The following ZNF292 variants were observed in gnomAD, a reference collection of about 807,000 sequenced individuals.
ZNF292 encodes 16 zinc-finger domain protein.
A neutral mutation model predicts 217.9 loss-of-function variants in ZNF292; 26 were observed. The ratio of observed to expected loss-of-function variants is 0.12; its 90% CI spans 0.09 to 0.17. The LOEUF (loss-of-function observed/expected upper bound fraction) is 0.17, where lower values mean the gene tolerates loss of function less well. Ranked by LOEUF, ZNF292 falls within the 10% of genes least tolerant of loss-of-function variation. ZNF292 has a pLI of 1.00. For synonymous variants in ZNF292, 1,257 were observed against 1,124.1 expected (o/e 1.12, Z -2.37); for missense variants, 2,904 against 3,175.2 (o/e 0.91, Z 2.05).
chr6:87,176,185 A>T (rs145231893), intron 1 of ZNF292, among the ~76,000 whole-genome samples: 4 of 152,246 alleles, frequency 2.6e-5, no homozygotes, highest in African/African-American at 7.2e-5. Flanking sequence ...AAAATAACAC[A>T]AATTTATTTA....
intron 6 of ZNF292, among the ~76,000 whole-genome samples, chr6:87,243,929 A>T (rs1455770291): frequency 6.6e-6 from 1 of 152,192 alleles, no homozygotes; most frequent in African/African-American, 2.4e-5. Context: ...TGTAAGCAAT[A>T]CATTTCTTTT....
chr6:87,179,158 CT>C (rs10670719), intron 1 of ZNF292, among the ~76,000 whole-genome samples: 58 of 116,350 alleles, frequency 5.0e-4, no homozygotes, highest in East Asian at 1.1e-3. Context: ...ATATATGTGG[CT>C]TTTTTTTTTT....
intron 1 of ZNF292, among the ~76,000 whole-genome samples, chr6:87,191,470 T>C (rs1162217623): frequency 2.0e-5 from 3 of 152,186 alleles, no homozygotes. Context: ...TATATTAATA[T>C]CAGTGTCTTT....
intron 1 of ZNF292, among the ~76,000 whole-genome samples, chr6:87,158,191 TATTTC>T (rs1177878973): frequency 6.6e-6 from 1 of 152,218 alleles, no homozygotes; most frequent in Non-Finnish European, 1.5e-5. Flanking sequence ...AATTATAAAA[TATTTC>T]ATACACTGTA....
At chr6:87,163,355 G>T (rs903019674) in intron 1 of ZNF292, among the ~76,000 whole-genome samples, 2 of 151,990 alleles carry the variant, frequency 1.3e-5, no homozygotes, top group Non-Finnish European at 1.5e-5. Context: ...GGAGGCTGAG[G>T]CAGGAGAATG....
At chr6:87,218,763 A>G in intron 4 of ZNF292, 32 bp downstream of exon 4, 1 of 1,538,122 alleles carries the variant, frequency 6.5e-7, no homozygotes. Flanking sequence ...AAAAAAAAGA[A>G]TAATTAGACT....
chr6:87,229,574 G>A (rs1032268242), intron 4 of ZNF292, among the ~76,000 whole-genome samples: 1 of 152,094 alleles, frequency 6.6e-6, no homozygotes, highest in Non-Finnish European at 1.5e-5. Context: ...TTACAGGCAT[G>A]CGCCTCCACG....
intron 1 of ZNF292, among the ~76,000 whole-genome samples, chr6:87,211,308 TGA>T (rs1772475105): frequency 6.6e-6 from 1 of 152,194 alleles, no homozygotes; most frequent in African/African-American, 2.4e-5. Context: ...GTATGACCTG[TGA>T]GACACACAGA....
chr6:87,215,954 T>G lies in ZNF292; in HGVS notation c.220T>G (p.Leu74Val). The G allele has an allele frequency of 6.2e-7, 1 of 1,601,856 alleles. No individual in the cohort carries two copies. The highest frequency in any genetic ancestry group is 8.5e-7 in the Non-Finnish European group (1 of 1,176,268). Residue 74 changes from leucine to valine, a missense_variant, in exon 2 of 8, where the codon TTA becomes GTA. Leu to Val is a conservative substitution (Grantham distance 32). Transcript: ENST00000369577. ...GAAAACTTCAGAAGATCCTTTACCT[T>G]TATTGGAGGTATACACAGTGGCTAT... The part of the protein sequence containing the change: ...KWKTSEDPLP[L>V]LEVYTVAIQS...
intron 1 of ZNF292, among the ~76,000 whole-genome samples, chr6:87,183,049 G>A (rs1226173936): frequency 6.6e-6 from 1 of 152,110 alleles, no homozygotes; most frequent in African/African-American, 2.4e-5. Flanking sequence ...GTAGGAGTCA[G>A]TTTTTTTAAA....
intron 6 of ZNF292, among the ~76,000 whole-genome samples, chr6:87,245,015 C>T (rs528199531): frequency 5.3e-5 from 8 of 152,044 alleles, no homozygotes; most frequent in East Asian, 1.9e-4. Context: ...CCGAGGTGGG[C>T]GGATCACCTG....
intron 1 of ZNF292, among the ~76,000 whole-genome samples, chr6:87,193,888 A>G (rs1331693309): frequency 6.6e-6 from 1 of 152,236 alleles, no homozygotes; most frequent in Non-Finnish European, 1.5e-5. Context: ...TCTGATCCCA[A>G]GCATTTTGGA....
At chr6:87,174,061 A>G (rs1195432433) in intron 1 of ZNF292, 4 of 227,910 alleles carry the variant, frequency 1.8e-5, no homozygotes, top group Non-Finnish European at 3.5e-5. Context: ...TTCATGTTAT[A>G]TGCAATGGGG....
chr6:87,187,493 C>T (rs557143906), intron 1 of ZNF292, among the ~76,000 whole-genome samples: 10 of 151,796 alleles, frequency 6.6e-5, no homozygotes, highest in Admixed American at 2.6e-4. Flanking sequence ...CCGAGGTGGG[C>T]GGATCACCTG....
Position 87,258,558 on chromosome 6 carries a change from T to A in ZNF292, c.4929T>A (p.Ala1643=). The change falls in exon 8 of 8, where the codon GCT becomes GCA. Residue 1643 remains alanine, a synonymous_variant. Transcript: ENST00000369577. ...KVAPPLIAPN[A]SQNLVTSDLT... ...CTCCTCCACTAATTGCACCTAACGCTTCCCAAAACTTGGTAACAAGTGACT... is the reference window on the plus strand; with the variant it reads ...CTCCTCCACTAATTGCACCTAACGCATCCCAAAACTTGGTAACAAGTGACT... 6.2e-7 allele frequency: 1 copy of A among 1,613,742 alleles called. No homozygotes were observed. The highest frequency in any genetic ancestry group is 8.5e-7 in the Non-Finnish European group (1 of 1,179,784).
At position 87,257,727 on chromosome 6, in the gene ZNF292, G is replaced by C; in HGVS notation, c.4098G>C (p.Trp1366Cys). 6.2e-7 allele frequency: 1 copy of C among 1,613,526 alleles called. No individual in the cohort carries two copies. The highest frequency in any genetic ancestry group is 8.5e-7 in the Non-Finnish European group (1 of 1,179,692). The change falls in exon 8 of 8, where the codon TGG (tryptophan) becomes TGC (cysteine). Residue 1366 changes from tryptophan (W) to cysteine (C), a missense_variant. Physicochemically the swap from Trp to Cys is radical, Grantham distance 215. Around this residue, in one of 15 missense-constraint regions of ZNF292, gnomAD observed 23 missense variants for 51.3 expected, o/e 0.45. Transcript: ENST00000369577. Reference sequence around the variant, plus strand: ...CTAAGCACAACAAAAGGGCTAAATGGCCTGCAATTATCAGAGATGGGAAAT... The same window carrying C: ...CTAAGCACAACAAAAGGGCTAAATGCCCTGCAATTATCAGAGATGGGAAAT... ...RKPKHNKRAK[W>C]PAIIRDGKFI... is the part of the protein sequence containing the mutation.
At chr6:87,183,194 GT>G (rs1771522195) in intron 1 of ZNF292, among the ~76,000 whole-genome samples, 1 of 152,128 alleles carries the variant, frequency 6.6e-6, no homozygotes, top group Admixed American at 6.6e-5. Flanking sequence ...ACACCTTAGA[GT>G]CAGTAAGGGT....
At chr6:87,199,298 A>T (rs906140061) in intron 1 of ZNF292, among the ~76,000 whole-genome samples, 1 of 152,212 alleles carries the variant, frequency 6.6e-6, no homozygotes, top group African/African-American at 2.4e-5. Flanking sequence ...TTCTTTGGTG[A>T]ACTGTCCATT....
chr6:87,187,656 A>G (rs1311654813), intron 1 of ZNF292, among the ~76,000 whole-genome samples: 1 of 147,022 alleles, frequency 6.8e-6, no homozygotes, highest in Non-Finnish European at 1.5e-5. Context: ...CGGAGGTTGC[A>G]GTGAGCCAAG....
Sources: allele counts gnomAD v4.1 joint callset (sites outside exome capture counted in the v4.1 genomes callset), GRCh38; gene constraint gnomAD v4.1.1; regional missense constraint gnomAD v4.1.1; transcripts MANE v1.5; gene names NCBI Gene and HGNC (gene_info 2026-07-23, HGNC 2026-07-21).